Variants in HTR2C observed in about 807,000 individuals in gnomAD.
The protein encoded by HTR2C is 5-hydroxytryptamine (serotonin) receptor 2C, G protein-coupled.
In HTR2C, 5 loss-of-function variants were observed where a neutral mutation model predicts 21.0. The ratio of observed to expected loss-of-function variants is 0.24; its 90% CI spans 0.12 to 0.50. The LOEUF (loss-of-function observed/expected upper bound fraction) is 0.50, where lower values mean the gene tolerates loss of function less well. Among genes scored for constraint, HTR2C ranks in the 20% least tolerant of loss-of-function variants. The pLI is 0.98. For synonymous variants in HTR2C, 150 were observed against 145.3 expected (o/e 1.03, Z -0.23); for missense variants, 271 against 371.2 (o/e 0.73, Z 2.22).
intron 1 of HTR2C, chrX:114,589,913 A>G: frequency 3.5e-6 from 1 of 286,637 alleles, no homozygotes; most frequent in Non-Finnish European, 6.4e-6. Flanking sequence ...AAGAAGAGAA[A>G]GGTCCAAGTG....
intron 3 of HTR2C, among the ~76,000 whole-genome samples, chrX:114,728,613 C>G (rs2069505586): frequency 9.0e-6 from 1 of 110,906 alleles, no homozygotes; most frequent in African/African-American, 3.3e-5. Flanking sequence ...TTTTGTAATT[C>G]ACAACAGATA....
At chrX:114,862,482 A>G (rs2071013777) in intron 5 of HTR2C, among the ~76,000 whole-genome samples, 1 of 110,947 alleles carries the variant, frequency 9.0e-6, no homozygotes, top group African/African-American at 3.3e-5. Flanking sequence ...TATTCCATAC[A>G]AATTTTATTA....
At chrX:114,663,518 C>T (rs1292652840) in intron 2 of HTR2C, among the ~76,000 whole-genome samples, 1 of 111,370 alleles carries the variant, frequency 9.0e-6, no homozygotes, top group African/African-American at 3.3e-5. Flanking sequence ...AGCTTTCAAA[C>T]AAACAAAAAC....
At chrX:114,835,245 G>A (rs373927515) in intron 4 of HTR2C, among the ~76,000 whole-genome samples, 11 of 94,947 alleles carry the variant, frequency 1.2e-4, no homozygotes, top group South Asian at 5.8e-4. Context: ...GAATCTGAAC[G>A]TTGGCCTGCC....
chrX:114,672,303 A>G (rs782402602), intron 2 of HTR2C, among the ~76,000 whole-genome samples: 22 of 111,220 alleles, frequency 2.0e-4, no homozygotes, highest in Admixed American at 5.8e-4. Flanking sequence ...GAGGTAGAAG[A>G]GTCGCTTGAG....
intron 5 of HTR2C, among the ~76,000 whole-genome samples, chrX:114,901,488 C>T (rs145740335): frequency 0.021 from 2,375 of 111,177 alleles, 32 homozygotes; most frequent in Non-Finnish European, 0.029. Context: ...ATAGTGGTAA[C>T]GTTATATTTT....
chrX:114,826,163 T>G lies in HTR2C; in HGVS notation c.350-21840T>G, dbSNP rs782564830. On this transcript the variant is annotated intron_variant, in intron 4 of 5. Coordinates refer to ENST00000276198, the MANE Select transcript of HTR2C (RefSeq NM_000868.4). ...GCACAATCATGCAGCCTCAAACTCC[T>G]AGGCTCAGGTGATCCTCCTGCCTCA... 6.4e-5 allele frequency among the ~76,000 whole-genome samples: 7 copies of G among 109,285 alleles called. No homozygotes were observed. The Admixed American group carries it at 6.9e-4, about 11-fold the overall frequency. The allele number at this position is 109,285 out of a possible 115,157, so 94.9% of individuals were successfully genotyped here. A position where few individuals can be genotyped will look rare whatever the true frequency, so the allele number is the denominator to read the frequency against.
At chrX:114,710,741 G>A (rs1159384813) in intron 2 of HTR2C, among the ~76,000 whole-genome samples, 1 of 110,911 alleles carries the variant, frequency 9.0e-6, no homozygotes, top group Non-Finnish European at 1.9e-5. Flanking sequence ...TTTATCTTAG[G>A]GCAACAGATG....
At chrX:114,823,852 A>G (rs965651853) in intron 4 of HTR2C, among the ~76,000 whole-genome samples, 5 of 111,426 alleles carry the variant, frequency 4.5e-5, no homozygotes, top group Non-Finnish European at 7.5e-5. Flanking sequence ...GCTACACCGA[A>G]TTAGGGAGAT....
chrX:114,900,868 A>T (rs782383568), intron 5 of HTR2C, among the ~76,000 whole-genome samples: 7 of 111,719 alleles, frequency 6.3e-5, no homozygotes, highest in African/African-American at 2.3e-4. Context: ...CAAATTCTAG[A>T]TCTCTCTGTG....
chrX:114,698,985 T>C (rs1932372392), intron 2 of HTR2C, among the ~76,000 whole-genome samples: 1 of 111,587 alleles, frequency 9.0e-6, no homozygotes, highest in African/African-American at 3.3e-5. Flanking sequence ...CGACGGCAGC[T>C]TTAAAATCTG....
At chrX:114,901,819 G>T (rs1487737007) in intron 5 of HTR2C, among the ~76,000 whole-genome samples, 1 of 111,452 alleles carries the variant, frequency 9.0e-6, no homozygotes, top group Non-Finnish European at 1.9e-5. Context: ...AGTTATTGAA[G>T]TTAATCTCAG....
intron 4 of HTR2C, among the ~76,000 whole-genome samples, chrX:114,836,415 G>A (rs997006631): frequency 3.5e-5 from 4 of 112,698 alleles, no homozygotes; most frequent in South Asian, 3.6e-4. Context: ...GTGGTGCGCC[G>A]TTTTTTAAGC....
At chrX:114,640,226 G>T (rs781926305) in intron 2 of HTR2C, among the ~76,000 whole-genome samples, 2 of 111,313 alleles carry the variant, frequency 1.8e-5, no homozygotes, top group Admixed American at 9.6e-5. Flanking sequence ...TGATGATAAC[G>T]AATCCTCGAA....
chrX:114,794,532 C>T (rs1365206743), intron 4 of HTR2C, among the ~76,000 whole-genome samples: 1 of 64,101 alleles, frequency 1.6e-5, no homozygotes, highest in Non-Finnish European at 2.7e-5. Flanking sequence ...CCCCCTCCCC[C>T]CACCCCACAA....
chrX:114,820,438 A>C (rs1427322836), intron 4 of HTR2C, among the ~76,000 whole-genome samples: 1 of 110,205 alleles, frequency 9.1e-6, no homozygotes, highest in Admixed American at 9.8e-5. Context: ...GCAATAATTT[A>C]ATTTTAAACC....
chrX:114,906,020 G>C (rs191556698), intron 5 of HTR2C, among the ~76,000 whole-genome samples: 1 of 111,564 alleles, frequency 9.0e-6, no homozygotes, highest in Non-Finnish European at 1.9e-5. Flanking sequence ...AAAAACCCTT[G>C]CTAAAAAGAG....
chrX:114,856,774 TC>T (rs2070965960), intron 5 of HTR2C, among the ~76,000 whole-genome samples: 1 of 111,559 alleles, frequency 9.0e-6, no homozygotes, highest in Non-Finnish European at 1.9e-5. Context: ...AATAGTGGCT[TC>T]TTTCCCCAAA....
intron 4 of HTR2C, among the ~76,000 whole-genome samples, chrX:114,788,377 C>G (rs1556442601): frequency 9.0e-6 from 1 of 110,670 alleles, no homozygotes; most frequent in Non-Finnish European, 1.9e-5. Flanking sequence ...TCTCCTGCCT[C>G]AGCCTCCCAG....
Sources: allele counts gnomAD v4.1 joint callset (sites outside exome capture counted in the v4.1 genomes callset), GRCh38; gene constraint gnomAD v4.1.1; transcripts MANE v1.5; gene names NCBI Gene and HGNC (gene_info 2026-07-23, HGNC 2026-07-21).